The following CFAP100 variants were observed in gnomAD, a reference collection of about 807,000 sequenced individuals.
CFAP100 encodes cilia- and flagella-associated protein 100.
CFAP100 carries 70 observed loss-of-function variants against 81.5 expected under a neutral mutation model. That is an observed-to-expected ratio of 0.86 (90% CI 0.71 to 1.05). The LOEUF is 1.05. Among genes scored for constraint, CFAP100 ranks in the 50% least tolerant of loss-of-function variants. The pLI, the probability that CFAP100 is intolerant of heterozygous loss-of-function variation, is 0.00. For missense variants in CFAP100, 811 were observed against 776.5 expected, an observed-to-expected ratio of 1.04 and a Z score of -0.53; for synonymous variants, 341 against 314.8, an observed-to-expected ratio of 1.08 and a Z score of -0.88.
intron 2 of CFAP100, 50 bp from the exon 3 acceptor site, chr3:126,407,122 C>A: frequency 1.5e-6 from 2 of 1,337,914 alleles, no homozygotes; most frequent in South Asian, 2.4e-5. Flanking sequence ...TCACAGTTCT[C>A]ATGGGCCAGG....
Position 126,419,666 on chromosome 3 carries a change from A to G in CFAP100, c.761A>G (p.Lys254Arg). 6.2e-7 allele frequency: 1 copy of G among 1,614,018 alleles called. No individual in the cohort carries two copies. The highest frequency in any genetic ancestry group is 8.5e-7 in the Non-Finnish European group (1 of 1,180,024). ...SEISRFEDTL[K>R]HYKVYKDFLY... ...ATCTCCAGATTTGAAGACACTCTGA[A>G]GCATTACAAGGTCTATAAGGATTTC... Residue 254 changes from lysine (K) to arginine (R), a missense_variant, in exon 9 of 17, where the codon AAG becomes AGG. Coordinates refer to ENST00000352312, the MANE Select transcript of CFAP100 (RefSeq NM_182628.3).
chr3:126,400,258 A>T lies in CFAP100; in HGVS notation c.49+4209A>T, dbSNP rs143031582. ...AAAAGACGATATGCAAATGATCTAC[A>T]AGCAGGAGAAAAGATACTCAACATC... On this transcript the variant is annotated intron_variant, in intron 2 of 16. Coordinates refer to ENST00000352312, the MANE Select transcript of CFAP100 (RefSeq NM_182628.3). Among the ~76,000 whole-genome samples the T allele has an allele frequency of 5.3e-5, 8 of 152,320 alleles. No individual in the cohort carries two copies. The East Asian group carries it at 1.5e-3, about 29-fold the overall frequency.
intron 14 of CFAP100, chr3:126,433,919 C>T (rs1469313044): frequency 4.1e-6 from 2 of 492,542 alleles, no homozygotes; most frequent in Admixed American, 3.8e-5. Context: ...GACTGGGCCC[C>T]GTTGGCTCAC....
chr3:126,419,068 A>G lies in CFAP100; in HGVS notation c.651-8A>G. ...CCCATCCCTCCTCCCCCGCCGCCCA[A>G]CCCCTAGGGCTGAGAAGGAGACCAA... On this transcript the variant is annotated splice_polypyrimidine_tract_variant and splice_region_variant and intron_variant, in intron 7 of 16. Coordinates refer to ENST00000352312, the MANE Select transcript of CFAP100 (RefSeq NM_182628.3). 1 of 1,185,914 alleles carries G rather than the reference A, an allele frequency of 8.4e-7. No homozygotes were observed. The highest frequency in any genetic ancestry group is 1.6e-5 in the African/African-American group (1 of 62,812). The allele number at this position is 1,185,914 out of a possible 1,614,324, so 73.5% of individuals were successfully genotyped here.
chr3:126,395,048 G>A (rs1383412527), intron 1 of CFAP100, 70 bp downstream of exon 1: 2 of 152,656 alleles, frequency 1.3e-5, no homozygotes, highest in South Asian at 3.9e-4. Flanking sequence ...GCGGCGGCAG[G>A]GGTGCGAAAC....
At chr3:126,398,415 G>A (rs1240927531) in intron 2 of CFAP100, among the ~76,000 whole-genome samples, 2 of 152,342 alleles carry the variant, frequency 1.3e-5, no homozygotes, top group South Asian at 4.2e-4. Context: ...CAGGCTCCAG[G>A]TACAAGACTC....
chr3:126,414,374 C>G, intron 4 of CFAP100, 195 bp downstream of exon 4: 8 of 685,358 alleles, frequency 1.2e-5, no homozygotes, highest in South Asian at 1.1e-4. Context: ...GCATCCCACC[C>G]ATCTTCCCGT....
chr3:126,414,234 T>C (rs1223438423), intron 4 of CFAP100, 55 bp downstream of exon 4: 1 of 1,282,938 alleles, frequency 7.8e-7, no homozygotes, highest in South Asian at 1.2e-5. Context: ...CTCCCACTGC[T>C]TCCTGGAGTG....
Position 126,435,643 on chromosome 3 carries a change from C to T in CFAP100, c.1713C>T (p.Ile571=). 1 of 1,610,830 alleles carries T rather than the reference C, an allele frequency of 6.2e-7. No homozygotes were observed. The highest frequency in any genetic ancestry group is 1.1e-5 in the South Asian group (1 of 90,746). ...QRARARAQAE[I]KKKRGRTLVC... ...CCCGGGCGCGCGCCCAGGCTGAGAT[C>T]AAGAAGAAGGTAGGCAGGGTCGCCT... Residue 571 remains isoleucine, a synonymous_variant, in exon 16 of 17, where the codon ATC becomes ATT. Coordinates refer to ENST00000352312, the MANE Select transcript of CFAP100 (RefSeq NM_182628.3).
chr3:126,416,332 A>C lies in CFAP100; in HGVS notation c.242A>C (p.Lys81Thr), dbSNP rs752512479. ...CGCCCCCAGGAACGGCAGCAGCAGA[A>C]GACGATGCGGGTGCACCAGAAGATG... ...NKALSERQQQ[K>T]TMRVHQKMTY... is the part of the protein sequence containing the mutation. The change falls in exon 5 of 17, where the codon AAG becomes ACG. Residue 81 changes from lysine to threonine, a missense_variant. Physicochemically the swap from Lys to Thr is moderately conservative, Grantham distance 78. Coordinates refer to ENST00000352312, the MANE Select transcript of CFAP100 (RefSeq NM_182628.3). 4 of 1,594,696 alleles carry C rather than the reference A, an allele frequency of 2.5e-6. No individual in the cohort carries two copies. The East Asian group carries it at 9.0e-5, about 36-fold the overall frequency.
intron 2 of CFAP100, among the ~76,000 whole-genome samples, chr3:126,399,008 T>C (rs2082931057): frequency 6.6e-6 from 1 of 152,182 alleles, no homozygotes; most frequent in Admixed American, 6.5e-5. Flanking sequence ...TGCTGTGTCC[T>C]CCACAGGGAA....
intron 2 of CFAP100, among the ~76,000 whole-genome samples, chr3:126,396,854 T>C (rs2082897538): frequency 6.6e-6 from 1 of 152,234 alleles, no homozygotes; most frequent in Non-Finnish European, 1.5e-5. Flanking sequence ...CCTGGGGCCC[T>C]TCAGCTTTTT....
At chr3:126,431,811 C>CT (rs1266186676) in intron 13 of CFAP100, among the ~76,000 whole-genome samples, 1 of 152,172 alleles carries the variant, frequency 6.6e-6, no homozygotes, top group Non-Finnish European at 1.5e-5. Flanking sequence ...GCTTCTCAGA[C>CT]TTTATGTGCA....
intron 2 of CFAP100, among the ~76,000 whole-genome samples, chr3:126,400,343 G>A (rs2082953647): frequency 6.6e-6 from 1 of 152,136 alleles, no homozygotes; most frequent in Admixed American, 6.5e-5. Flanking sequence ...ACACCCATTA[G>A]GATGGCTACT....
At chr3:126,409,137 T>C (rs935556515) in intron 3 of CFAP100, among the ~76,000 whole-genome samples, 3 of 152,154 alleles carry the variant, frequency 2.0e-5, no homozygotes, top group Admixed American at 2.0e-4. Context: ...CTCCACCCTA[T>C]GAAGATCTAG....
In CFAP100 at chr3:126,436,465, G is replaced by C. The variant is rs949921181; in HGVS notation, c.*61G>C. 7.4e-7 allele frequency: 1 copy of C among 1,352,958 alleles called. No individual in the cohort carries two copies. Among genetic ancestry groups the C allele is most frequent in the Non-Finnish European group, 1.0e-6 (1 of 960,858 alleles). The allele number at this position is 1,352,958 out of a possible 1,614,324, so 83.8% of individuals were successfully genotyped here. On this transcript the variant is annotated 3_prime_UTR_variant, in exon 17 of 17. Coordinates refer to ENST00000352312, the MANE Select transcript of CFAP100 (RefSeq NM_182628.3). ...AGCAAAGATGTTGGCAGAGGAAGCA[G>C]AGACTGGGCTGGGTCTCGAGTGGCC...
intron 2 of CFAP100, among the ~76,000 whole-genome samples, chr3:126,400,860 A>C (rs1056745048): frequency 1.3e-5 from 2 of 152,270 alleles, no homozygotes; most frequent in Non-Finnish European, 2.9e-5. Flanking sequence ...AAGAACGGAA[A>C]GCAGGAACTC....
intron 13 of CFAP100, among the ~76,000 whole-genome samples, chr3:126,427,278 G>A (rs192609283): frequency 9.8e-5 from 15 of 152,328 alleles, no homozygotes; most frequent in South Asian, 8.3e-4. Flanking sequence ...AATGAAGATG[G>A]TGTTTGGTAC....
intron 3 of CFAP100, among the ~76,000 whole-genome samples, chr3:126,409,623 T>A (rs942912505): frequency 6.6e-6 from 1 of 152,262 alleles, no homozygotes; most frequent in Admixed American, 6.5e-5. Context: ...TCGATCCTTT[T>A]AATATGACTT....
Sources: gnomAD v4.1 joint callset for allele counts (sites outside exome capture counted in the v4.1 genomes callset) on GRCh38, gnomAD v4.1.1 for gene constraint, MANE v1.5 for transcripts, NCBI Gene and HGNC (gene_info 2026-07-23, HGNC 2026-07-21) for gene names.